Variants in CCDC146 observed in about 807,000 individuals in gnomAD.
CCDC146 encodes the protein coiled-coil domain-containing protein 146.
CCDC146 carries 92 observed loss-of-function variants against 119.3 expected under a neutral mutation model. That is an observed-to-expected ratio of 0.77 (90% CI 0.65 to 0.92). The LOEUF (loss-of-function observed/expected upper bound fraction) is 0.92, where lower values mean the gene tolerates loss of function less well. CCDC146 is among the 40% of genes least tolerant of loss of function. The probability of loss-of-function intolerance (pLI) is 0.00; values close to 1 mark genes in which losing one functional copy is unlikely to be tolerated. For missense variants in CCDC146, 1,000 were observed against 1,103.0 expected, an observed-to-expected ratio of 0.91 and a Z score of 1.32; for synonymous variants, 372 against 371.8, an observed-to-expected ratio of 1.00 and a Z score of -0.01.
chr7:77,257,764 G>A (rs1027076122), intron 6 of CCDC146: 7 of 151,966 alleles, frequency 4.6e-5, no homozygotes, highest in East Asian at 1.9e-4. Context: ...TGACAACCTC[G>A]GGCAGGAAGG....
At chr7:77,167,281 C>T (rs937534460) in intron 1 of CCDC146, among the ~76,000 whole-genome samples, 5 of 152,106 alleles carry the variant, frequency 3.3e-5, no homozygotes, top group African/African-American at 1.2e-4. Context: ...TCAGAAAGCA[C>T]ACTTTGCTTA....
chr7:77,142,649 G>A (rs926035552), intron 1 of CCDC146, among the ~76,000 whole-genome samples: 7 of 151,706 alleles, frequency 4.6e-5, no homozygotes, highest in African/African-American at 1.7e-4. Flanking sequence ...CCACCTATGA[G>A]TGAGAACATG....
intron 1 of CCDC146, among the ~76,000 whole-genome samples, chr7:77,131,437 G>T (rs1221777735): frequency 1.3e-5 from 2 of 152,028 alleles, no homozygotes; most frequent in Non-Finnish European, 2.9e-5. Flanking sequence ...TCAAGAACAG[G>T]CCGGGTGCAG....
Position 77,203,067 on chromosome 7 carries a change from C to T in CCDC146, c.157-33880C>T, listed in dbSNP as rs202063299. The stretch of plus-strand genomic sequence containing the variant: ...CCCCAGGACTATTTTAGGAATGAAT[C>T]TTCTGCTGCAAATCAGTGGGAAATG... On this transcript the variant is annotated intron_variant, in intron 2 of 18. Transcript: ENST00000285871. Among the ~76,000 whole-genome samples, 29 of 124,310 alleles carry T rather than the reference C, an allele frequency of 2.3e-4. No individual in the cohort carries two copies. The East Asian group carries it at 8.0e-3, about 34-fold the overall frequency. 81.6% of individuals were successfully genotyped at this position (124,310 alleles called of 152,430 possible). A position where few individuals can be genotyped will look rare whatever the true frequency, so the allele number is the denominator to read the frequency against.
intron 1 of CCDC146, among the ~76,000 whole-genome samples, chr7:77,153,479 C>A (rs1791136157): frequency 2.1e-5 from 3 of 141,478 alleles, no homozygotes. Context: ...TAAAAATTAG[C>A]AAAGCATCTG....
intron 4 of CCDC146, among the ~76,000 whole-genome samples, chr7:77,243,840 AGGCTAATGTG>A (rs1792895103): frequency 6.6e-6 from 1 of 152,126 alleles, no homozygotes; most frequent in African/African-American, 2.4e-5. Flanking sequence ...GTGTAGGCCT[AGGCTAATGTG>A]TGTGTTTATG....
rs1035063007 is a variant in CCDC146 at position 77,272,667 on chromosome 7, G to A, written c.1174-1027G>A. 2.0e-5 allele frequency among the ~76,000 whole-genome samples: 3 copies of A among 152,156 alleles called. No homozygotes were observed. The East Asian group carries it at 5.8e-4, about 29-fold the overall frequency. Reference sequence around the variant, plus strand: ...GAAGCACCCCAAGATGACCCTCCCTGTAGCCTTGAATGGTACCCTTTCCCC... The same window carrying A: ...GAAGCACCCCAAGATGACCCTCCCTATAGCCTTGAATGGTACCCTTTCCCC... On this transcript the variant is annotated intron_variant, in intron 9 of 18. Coordinates refer to ENST00000285871, the MANE Select transcript of CCDC146 (RefSeq NM_020879.3).
chr7:77,279,234 A>G, intron 13 of CCDC146, 133 bp downstream of exon 13: 1 of 684,580 alleles, frequency 1.5e-6, no homozygotes, highest in Non-Finnish European at 2.4e-6. Context: ...ACTGCCCTCC[A>G]GCCTGGGTGA....
At chr7:77,144,878 C>CT (rs910467067) in intron 1 of CCDC146, among the ~76,000 whole-genome samples, 9 of 150,978 alleles carry the variant, frequency 6.0e-5, no homozygotes, top group South Asian at 2.1e-4. Context: ...CTAAAATTCT[C>CT]TTTTTTTTTC....
At chr7:77,147,872 G>A (rs10269325) in intron 1 of CCDC146, among the ~76,000 whole-genome samples, 4 of 152,262 alleles carry the variant, frequency 2.6e-5, no homozygotes, top group Admixed American at 2.0e-4. Flanking sequence ...CCCACTTGAC[G>A]AGGCAGTCTG....
chr7:77,174,367 C>T (rs906178618), intron 2 of CCDC146, among the ~76,000 whole-genome samples: 18 of 152,196 alleles, frequency 1.2e-4, no homozygotes, highest in Non-Finnish European at 1.9e-4. Context: ...ATTGAAGTGG[C>T]AGTGAACTGC....
Position 77,196,218 on chromosome 7 carries a change from G to A in CCDC146, c.156+28394G>A. The A allele has an allele frequency of 2.4e-6, 3 of 1,229,310 alleles. No homozygotes were observed. Among genetic ancestry groups the A allele is most frequent in the Non-Finnish European group, 3.4e-6 (3 of 869,974 alleles). The allele number at this position is 1,229,310 out of a possible 1,614,324, so 76.2% of individuals were successfully genotyped here. Reference sequence around the variant, plus strand: ...AATATGAAACAAGGCATATTCTAAAGTGCTGAAGGAATTAATTGCCCTATT... The same window carrying A: ...AATATGAAACAAGGCATATTCTAAAATGCTGAAGGAATTAATTGCCCTATT... On this transcript the variant is annotated intron_variant, in intron 2 of 18. Coordinates refer to ENST00000285871, the MANE Select transcript of CCDC146 (RefSeq NM_020879.3). The surrounding 1 kb of genome is among the most constrained non-coding windows in gnomAD (Gnocchi z 4.2).
At chr7:77,184,423 G>A (rs1048266257) in intron 2 of CCDC146, among the ~76,000 whole-genome samples, 1 of 152,136 alleles carries the variant, frequency 6.6e-6, no homozygotes, top group African/African-American at 2.4e-5. Context: ...TGATATCACG[G>A]CCTTTCTAGG....
At chr7:77,144,594 A>G (rs1189132265) in intron 1 of CCDC146, among the ~76,000 whole-genome samples, 2 of 151,860 alleles carry the variant, frequency 1.3e-5, no homozygotes, top group Non-Finnish European at 2.9e-5. Context: ...ACATCCCATC[A>G]ATACCTAATT....
chr7:77,210,536 A>C (rs912727652), intron 2 of CCDC146, among the ~76,000 whole-genome samples: 4 of 152,172 alleles, frequency 2.6e-5, no homozygotes, highest in African/African-American at 7.2e-5. Flanking sequence ...ATCTTCTTCT[A>C]AACCCTCCAA....
chr7:77,171,579 G>C (rs1242430945), intron 2 of CCDC146, among the ~76,000 whole-genome samples: 2 of 152,172 alleles, frequency 1.3e-5, no homozygotes, highest in Non-Finnish European at 2.9e-5. Flanking sequence ...AGATCTGTAA[G>C]TAATAAATTT....
intron 9 of CCDC146, among the ~76,000 whole-genome samples, chr7:77,268,978 C>T (rs142258141): frequency 4.4e-4 from 67 of 152,244 alleles, no homozygotes; most frequent in Non-Finnish European, 8.8e-4. Flanking sequence ...TTGTATCCAT[C>T]GTGTGGGGCA....
At chr7:77,293,279 G>A in intron 18 of CCDC146, 79 bp downstream of exon 18, 2 of 1,504,218 alleles carry the variant, frequency 1.3e-6, no homozygotes, top group Non-Finnish European at 1.8e-6. Context: ...TTATCCCACA[G>A]TATAAGAAAA....
At chr7:77,228,475 C>T (rs951435866) in intron 2 of CCDC146, among the ~76,000 whole-genome samples, 1 of 152,204 alleles carries the variant, frequency 6.6e-6, no homozygotes, top group African/African-American at 2.4e-5. Context: ...CATGACCCTG[C>T]AAAGGACATG....
Sources: gnomAD v4.1 joint callset for allele counts (sites outside exome capture counted in the v4.1 genomes callset) on GRCh38, gnomAD v4.1.1 for gene constraint, Gnocchi (gnomAD v3.1) non-coding constraint, MANE v1.5 for transcripts, NCBI Gene and HGNC (gene_info 2026-07-23, HGNC 2026-07-21) for gene names.